The following CDADC1 variants were observed in gnomAD, a reference collection of about 807,000 sequenced individuals.
The protein encoded by CDADC1 is cytidine and dCMP deaminase domain containing 1, also known as dCTP deaminase.
Under a neutral mutation model 54.9 loss-of-function variants are expected in CDADC1, and 39 were observed. That is an observed-to-expected ratio of 0.71 (90% CI 0.55 to 0.93). The LOEUF is 0.93. CDADC1 is among the 40% of genes least tolerant of loss of function. The pLI, the probability that CDADC1 is intolerant of heterozygous loss-of-function variation, is 0.00. For synonymous variants in CDADC1, 186 were observed against 204.0 expected (o/e 0.91, Z 0.75); for missense variants, 518 against 618.8 (o/e 0.84, Z 1.73).
At chr13:49,287,238 T>C (rs959833373) in intron 9 of CDADC1, among the ~76,000 whole-genome samples, 1 of 152,188 alleles carries the variant, frequency 6.6e-6, no homozygotes, top group African/African-American at 2.4e-5. Flanking sequence ...TATTTGGATT[T>C]GAAGTAAATG....
At chr13:49,252,320 G>A (rs1440129148) in intron 2 of CDADC1, among the ~76,000 whole-genome samples, 2 of 152,204 alleles carry the variant, frequency 1.3e-5, no homozygotes, top group East Asian at 3.8e-4. Flanking sequence ...GGGAGGGAGA[G>A]CCTCAGGATT....
intron 3 of CDADC1, among the ~76,000 whole-genome samples, chr13:49,256,730 G>T (rs1004769300): frequency 3.9e-5 from 6 of 152,182 alleles, no homozygotes; most frequent in Admixed American, 3.9e-4. Flanking sequence ...GACTAAGCAT[G>T]TATGTTTTGA....
At chr13:49,262,530 T>G (rs558916452) in intron 4 of CDADC1, among the ~76,000 whole-genome samples, 23 of 151,694 alleles carry the variant, frequency 1.5e-4, no homozygotes, top group African/African-American at 5.6e-4. Flanking sequence ...GTATCTTTAT[T>G]TTTATTTTAT....
At chr13:49,284,312 C>T (rs1178721556) in intron 8 of CDADC1, among the ~76,000 whole-genome samples, 1 of 152,170 alleles carries the variant, frequency 6.6e-6, no homozygotes, top group Non-Finnish European at 1.5e-5. Flanking sequence ...TATCTCACAA[C>T]TCATAGATAC....
At chr13:49,278,008 C>G (rs1953196983) in intron 6 of CDADC1, among the ~76,000 whole-genome samples, 1 of 152,176 alleles carries the variant, frequency 6.6e-6, no homozygotes, top group South Asian at 2.1e-4. Context: ...AAATATATAA[C>G]ATGGTTTCTG....
At chr13:49,286,472 G>A (rs751016446) in intron 9 of CDADC1, among the ~76,000 whole-genome samples, 190 bp downstream of exon 9, 4 of 152,104 alleles carry the variant, frequency 2.6e-5, no homozygotes, top group South Asian at 2.1e-4. Context: ...GGAAAGTGCC[G>A]ATTAATAATT....
chr13:49,286,212 A>G lies in CDADC1; in HGVS notation c.1411-10A>G. ...CTTTAAACAAGTAAAATGTTTGTGC[A>G]CTCTTACAGTGGCAGCTGAATCCAT... On this transcript the variant is annotated splice_polypyrimidine_tract_variant and intron_variant, in intron 8 of 9. Transcript: ENST00000251108. The G allele has an allele frequency of 6.2e-7, 1 of 1,609,352 alleles. No individual in the cohort carries two copies. Among genetic ancestry groups the G allele is most frequent in the Non-Finnish European group, 8.5e-7 (1 of 1,175,926 alleles).
chr13:49,249,734 A>G (rs1381196091), intron 2 of CDADC1, among the ~76,000 whole-genome samples: 2 of 151,706 alleles, frequency 1.3e-5, no homozygotes, highest in Non-Finnish European at 1.5e-5. Context: ...CTCCATCTCA[A>G]AAAAAAAATC....
At chr13:49,262,523 T>A (rs1270080544) in intron 4 of CDADC1, among the ~76,000 whole-genome samples, 1 of 152,012 alleles carries the variant, frequency 6.6e-6, no homozygotes, top group Non-Finnish European at 1.5e-5. Context: ...TGTTTCCGTA[T>A]CTTTATTTTT....
At chr13:49,258,079 G>A (rs1350219451) in intron 3 of CDADC1, among the ~76,000 whole-genome samples, 1 of 152,156 alleles carries the variant, frequency 6.6e-6, no homozygotes, top group Non-Finnish European at 1.5e-5. Flanking sequence ...GAGATGGTTG[G>A]TTAACTCAGA....
At chr13:49,280,331 T>C (rs1390953260) in intron 7 of CDADC1, among the ~76,000 whole-genome samples, 178 bp from the exon 8 acceptor site, 4 of 152,222 alleles carry the variant, frequency 2.6e-5, no homozygotes, top group Non-Finnish European at 5.9e-5. Flanking sequence ...AACACTTTTG[T>C]GGGTTTACAT....
chr13:49,272,981 A>G (rs542623391), intron 5 of CDADC1, among the ~76,000 whole-genome samples: 3 of 152,332 alleles, frequency 2.0e-5, no homozygotes, highest in South Asian at 2.1e-4. Context: ...GCATCTAGAA[A>G]TGGAAATTTT....
intron 4 of CDADC1, chr13:49,266,045 G>A: frequency 2.6e-6 from 2 of 778,358 alleles, no homozygotes; most frequent in Non-Finnish European, 3.7e-6. Flanking sequence ...AAGCCACAGT[G>A]AGTCAGGAGT....
intron 5 of CDADC1, among the ~76,000 whole-genome samples, chr13:49,271,460 T>G (rs1952962858): frequency 6.6e-6 from 1 of 152,134 alleles, no homozygotes; most frequent in Admixed American, 6.5e-5. Context: ...GAAAGTTAAC[T>G]TTTAAAACAG....
chr13:49,263,878 A>T (rs1347095838), intron 4 of CDADC1, among the ~76,000 whole-genome samples: 1 of 152,216 alleles, frequency 6.6e-6, no homozygotes, highest in Admixed American at 6.5e-5. Context: ...ATATCTAATG[A>T]CAAGAGCGAA....
intron 3 of CDADC1, among the ~76,000 whole-genome samples, chr13:49,259,059 C>G (rs1952611453): frequency 6.6e-6 from 1 of 152,108 alleles, no homozygotes; most frequent in Admixed American, 6.5e-5. Flanking sequence ...CTAGTTCTTG[C>G]CCTTTACTAG....
intron 5 of CDADC1, among the ~76,000 whole-genome samples, chr13:49,272,720 C>T (rs908249435): frequency 2.1e-5 from 3 of 145,776 alleles, no homozygotes; most frequent in South Asian, 2.1e-4. Flanking sequence ...TGAAGTGGTA[C>T]GATCTCAACT....
At chr13:49,287,484 A>ATCTT (rs56116915) in intron 9 of CDADC1, among the ~76,000 whole-genome samples, 2 of 151,592 alleles carry the variant, frequency 1.3e-5, no homozygotes, top group Non-Finnish European at 2.9e-5. Context: ...CTATCTATCT[A>ATCTT]TCTATCTATC....
At chr13:49,289,387 G>A (rs1352675330) in intron 9 of CDADC1, among the ~76,000 whole-genome samples, 2 of 151,930 alleles carry the variant, frequency 1.3e-5, no homozygotes, top group Admixed American at 1.3e-4. Flanking sequence ...CTTGGCCTCC[G>A]AAAGTGCTGG....
Sources: gnomAD v4.1 joint callset for allele counts (sites outside exome capture counted in the v4.1 genomes callset) on GRCh38, gnomAD v4.1.1 for gene constraint, MANE v1.5 for transcripts, NCBI Gene and HGNC (gene_info 2026-07-23, HGNC 2026-07-21) for gene names.